The following TBC1D23 variants were observed in gnomAD, a reference collection of about 807,000 sequenced individuals.
TBC1D23 encodes TBC1 domain family member 23.
A neutral mutation model predicts 91.4 loss-of-function variants in TBC1D23; 55 were observed. The observed-to-expected ratio is 0.60, with a 90% CI of 0.48 to 0.75. The LOEUF (loss-of-function observed/expected upper bound fraction) is 0.75. Ranked by LOEUF, TBC1D23 falls within the 30% of genes least tolerant of loss-of-function variation. The pLI, the probability that TBC1D23 is intolerant of heterozygous loss-of-function variation, is 0.00. For missense variants in TBC1D23, 725 were observed against 836.1 expected (o/e 0.87, Z 1.64); for synonymous variants, 289 against 281.0 (o/e 1.03, Z -0.28).
intron 8 of TBC1D23, 54 bp from the exon 9 acceptor site, chr3:100,297,869 G>T (rs914087880): frequency 9.1e-6 from 13 of 1,432,082 alleles, no homozygotes; most frequent in Non-Finnish European, 1.2e-5. Context: ...AATATTTTTA[G>T]GAAGAAAGTT....
Position 100,320,798 on chromosome 3 carries a change from A to ACAG in TBC1D23, c.1847_1848insGCA (p.Thr615_His616insGln). ...CAAGTCATCTGTTGGTTACTGCAAC[A>ACAG]CATATGTACTGTTTAAGGGAGATTG... On this transcript the variant is annotated inframe_insertion, in exon 18 of 19. Coordinates refer to ENST00000394144, the MANE Select transcript of TBC1D23 (RefSeq NM_001199198.3). 1.3e-6 allele frequency: 2 copies of ACAG among 1,519,980 alleles called. No individual in the cohort carries two copies. The highest frequency in any genetic ancestry group is 1.4e-5 in the South Asian group (1 of 71,434). 94.2% of individuals were successfully genotyped at this position (1,519,980 alleles called of 1,614,324 possible). A position where few individuals can be genotyped will look rare whatever the true frequency, so the allele number is the denominator to read the frequency against.
intron 14 of TBC1D23, among the ~76,000 whole-genome samples, chr3:100,311,576 A>G (rs528503966): frequency 2.0e-5 from 3 of 152,332 alleles, no homozygotes; most frequent in East Asian, 3.9e-4. Flanking sequence ...ATTTTGTAGC[A>G]TGAACATTTA....
chr3:100,274,557 A>G (rs1408694043), intron 1 of TBC1D23, among the ~76,000 whole-genome samples: 1 of 151,964 alleles, frequency 6.6e-6, no homozygotes, highest in African/African-American at 2.4e-5. Context: ...GTATCTGTTA[A>G]AGAGCTCCTC....
chr3:100,319,256 A>T, intron 17 of TBC1D23, 52 bp downstream of exon 17: 1 of 1,481,658 alleles, frequency 6.7e-7, no homozygotes, highest in Non-Finnish European at 9.3e-7. Flanking sequence ...GGGGAAGTTA[A>T]TAATACAAAA....
rs1412881589 is a variant in TBC1D23 at position 100,301,204 on chromosome 3, C to T, written c.1093-863C>T. Among the ~76,000 whole-genome samples the T allele has an allele frequency of 2.9e-5, 4 of 139,366 alleles. No homozygotes were observed. In the Admixed American group the frequency reaches 3.1e-4, roughly 11 times the overall value. 91.4% of individuals were successfully genotyped at this position (139,366 alleles called of 152,430 possible). A position where few individuals can be genotyped will look rare whatever the true frequency, so the allele number is the denominator to read the frequency against. On this transcript the variant is annotated intron_variant, in intron 10 of 18. Coordinates refer to ENST00000394144, the MANE Select transcript of TBC1D23 (RefSeq NM_001199198.3). ...AGGTGGAACCCAGCTATTTGGGAGGCGGAGGTTGCGGTGAGCCGAGATCGC... is the reference window on the plus strand; with the variant it reads ...AGGTGGAACCCAGCTATTTGGGAGGTGGAGGTTGCGGTGAGCCGAGATCGC...
In TBC1D23 at chr3:100,324,961, T is replaced by G. The variant is rs1176738578; in HGVS notation, c.*1293T>G. On this transcript the variant is annotated 3_prime_UTR_variant, in exon 19 of 19. Transcript: ENST00000394144. ...GAAATCAAGTGAATAAAAGGCAACATAATTTGGGAAATTTTATTCTAATAT... is the reference window on the plus strand; with the variant it reads ...GAAATCAAGTGAATAAAAGGCAACAGAATTTGGGAAATTTTATTCTAATAT... 1 of 152,212 alleles carries G rather than the reference T, an allele frequency of 6.6e-6. No individual in the cohort carries two copies. The highest frequency in any genetic ancestry group is 1.5e-5 in the Non-Finnish European group (1 of 68,034). 9.4% of individuals were successfully genotyped at this position (152,212 alleles called of 1,614,324 possible). A position where few individuals can be genotyped will look rare whatever the true frequency, so the allele number is the denominator to read the frequency against.
At chr3:100,286,786 A>T (rs2067746738) in intron 4 of TBC1D23, among the ~76,000 whole-genome samples, 1 of 150,710 alleles carries the variant, frequency 6.6e-6, no homozygotes, top group African/African-American at 2.4e-5. Context: ...GTGAGCCACC[A>T]CTCCCACCCT....
intron 4 of TBC1D23, among the ~76,000 whole-genome samples, chr3:100,286,501 C>CTTTTTTTTTTTTTTTTTTT (rs11370481): frequency 6.1e-5 from 9 of 146,414 alleles, no homozygotes; most frequent in South Asian, 4.4e-4. Context: ...AACATATCTT[C>CTTTTTTTTTTTTTTTTTTT]TTTTTTTTTT....
intron 1 of TBC1D23, among the ~76,000 whole-genome samples, chr3:100,278,858 T>C (rs2067672276): frequency 6.6e-6 from 1 of 152,234 alleles, no homozygotes; most frequent in East Asian, 1.9e-4. Context: ...GTGATATTAT[T>C]CTTTTGCTTT....
intron 15 of TBC1D23, among the ~76,000 whole-genome samples, chr3:100,314,621 C>G (rs1705700253): frequency 6.6e-6 from 1 of 152,000 alleles, no homozygotes; most frequent in African/African-American, 2.4e-5. Flanking sequence ...AAAAATTAGG[C>G]AGGCGTAGTG....
At chr3:100,274,733 C>CT (rs2067630543) in intron 1 of TBC1D23, among the ~76,000 whole-genome samples, 1 of 148,674 alleles carries the variant, frequency 6.7e-6, no homozygotes, top group Non-Finnish European at 1.5e-5. Flanking sequence ...AATTTCCTCC[C>CT]TTTTTAGGCT....
intron 10 of TBC1D23, among the ~76,000 whole-genome samples, chr3:100,300,036 GTATT>G (rs564616536): frequency 3.0e-4 from 45 of 152,242 alleles, no homozygotes; most frequent in South Asian, 2.5e-3. Context: ...TTAATCATGA[GTATT>G]TATGCATATA....
At chr3:100,296,119 A>G in intron 7 of TBC1D23, 53 bp from the exon 8 acceptor site, 6 of 1,037,316 alleles carry the variant, frequency 5.8e-6, no homozygotes, top group Non-Finnish European at 8.5e-6. Flanking sequence ...TGATACATAA[A>G]CAATATTTGC....
intron 15 of TBC1D23, 27 bp downstream of exon 15, chr3:100,311,904 T>A (rs1199283141): frequency 6.7e-7 from 1 of 1,499,036 alleles, no homozygotes; most frequent in East Asian, 2.5e-5. Flanking sequence ...AGCATTTTTC[T>A]TGAACCATCC....
chr3:100,279,561 C>T (rs2148853845), intron 1 of TBC1D23, 88 bp from the exon 2 acceptor site: 2 of 856,372 alleles, frequency 2.3e-6, no homozygotes, highest in East Asian at 5.4e-5. Context: ...CTTAGACAAG[C>T]CTTTAATAGG....
chr3:100,271,479 G>A (rs530077173), intron 1 of TBC1D23, among the ~76,000 whole-genome samples: 8 of 152,164 alleles, frequency 5.3e-5, no homozygotes, highest in Non-Finnish European at 8.8e-5. Context: ...CTGAAAGATC[G>A]TGGGGAGTGG....
intron 1 of TBC1D23, among the ~76,000 whole-genome samples, chr3:100,275,854 T>A (rs2067644179): frequency 6.6e-6 from 1 of 152,200 alleles, no homozygotes; most frequent in African/African-American, 2.4e-5. Context: ...TATTGATACA[T>A]GCTACATTAT....
At chr3:100,302,313 TG>T (rs2148865030) in intron 11 of TBC1D23, 76 bp downstream of exon 11, 1 of 1,245,566 alleles carries the variant, frequency 8.0e-7, no homozygotes, top group African/African-American at 1.6e-5. Context: ...GATAACTTTT[TG>T]CTTGTCAGAT....
intron 7 of TBC1D23, 118 bp from the exon 8 acceptor site, chr3:100,296,053 AG>A (rs2067836327): frequency 2.0e-6 from 1 of 497,404 alleles, no homozygotes; most frequent in African/African-American, 2.0e-5. Flanking sequence ...TCATTGTAAA[AG>A]CACCAGTGTT....
Sources: gnomAD v4.1 joint callset for allele counts (sites outside exome capture counted in the v4.1 genomes callset) on GRCh38, gnomAD v4.1.1 for gene constraint, MANE v1.5 for transcripts, NCBI Gene and HGNC (gene_info 2026-07-23, HGNC 2026-07-21) for gene names.